The following RABGAP1 variants were observed in gnomAD, a reference collection of about 807,000 sequenced individuals.
The protein encoded by RABGAP1 is rab GTPase-activating protein 1.
A neutral mutation model predicts 137.6 loss-of-function variants in RABGAP1; 23 were observed. That is an observed-to-expected ratio of 0.17 (90% CI 0.12 to 0.24). The LOEUF is 0.24. Ranked by LOEUF, RABGAP1 falls within the 10% of genes least tolerant of loss-of-function variation. RABGAP1 has a pLI of 1.00. For synonymous variants in RABGAP1, 451 were observed against 450.7 expected (o/e 1.00, Z -0.01); for missense variants, 906 against 1,275.8 (o/e 0.71, Z 4.42).
Position 122,984,462 on chromosome 9 carries a change from T to C in RABGAP1, c.151-23T>C, listed in dbSNP as rs146470403. The C allele has an allele frequency of 1.9e-6, 3 of 1,595,300 alleles. No homozygotes were observed. The East Asian group carries it at 6.7e-5, about 36-fold the overall frequency. ...TGGCCAATCTTTGTCACTTTGCTGATTGCATGTATTTGTGACCCTTAGATT... is the reference window on the plus strand; with the variant it reads ...TGGCCAATCTTTGTCACTTTGCTGACTGCATGTATTTGTGACCCTTAGATT... On this transcript the variant is annotated intron_variant, in intron 2 of 25. Transcript: ENST00000373647.
intron 1 of RABGAP1, among the ~76,000 whole-genome samples, chr9:122,946,249 A>G (rs1158653521): frequency 6.6e-6 from 1 of 152,266 alleles, no homozygotes; most frequent in Non-Finnish European, 1.5e-5. Flanking sequence ...ATATTTCTGC[A>G]TTTATCTTAG....
chr9:123,047,102 A>G (rs1360097193), intron 13 of RABGAP1, among the ~76,000 whole-genome samples: 1 of 152,218 alleles, frequency 6.6e-6, no homozygotes, highest in Non-Finnish European at 1.5e-5. Context: ...TTTGGAAAAA[A>G]AGGAAACAAC....
At chr9:123,012,173 A>T (rs1268013954) in intron 11 of RABGAP1, among the ~76,000 whole-genome samples, 2 of 152,214 alleles carry the variant, frequency 1.3e-5, no homozygotes, top group Non-Finnish European at 2.9e-5. Flanking sequence ...TCAGAGATGC[A>T]ATTCAGAGTC....
At position 123,005,076 on chromosome 9, in the gene RABGAP1, A is replaced by AC. The variant is rs1554715993; in HGVS notation, c.1375-5278_1375-5277insC. On this transcript the variant is annotated intron_variant, in intron 10 of 25. Coordinates refer to ENST00000373647, the MANE Select transcript of RABGAP1 (RefSeq NM_012197.4). ...CATCTCAAAAAAAAAAAAAAAAAAA[A>AC]ACTAAAAAAGTCTTGCAGTTAATAA... Among the ~76,000 whole-genome samples, 19 of 135,012 alleles carry AC rather than the reference A, an allele frequency of 1.4e-4. No individual in the cohort carries two copies. In the East Asian group the frequency reaches 3.7e-3, roughly 26 times the overall value. 88.6% of individuals were successfully genotyped at this position (135,012 alleles called of 152,430 possible).
intron 19 of RABGAP1, among the ~76,000 whole-genome samples, chr9:123,080,085 T>TG (rs2034660358): frequency 6.6e-6 from 1 of 152,260 alleles, no homozygotes; most frequent in African/African-American, 2.4e-5. Context: ...TTTTACCTTT[T>TG]GGATTCCCAT....
chr9:123,073,237 A>G (rs2034411984), intron 15 of RABGAP1, among the ~76,000 whole-genome samples: 1 of 152,230 alleles, frequency 6.6e-6, no homozygotes, highest in Non-Finnish European at 1.5e-5. Flanking sequence ...TGACTGCCTT[A>G]GGCAGATACA....
At chr9:123,073,740 A>C in intron 16 of RABGAP1, 63 bp downstream of exon 16, 1 of 1,596,378 alleles carries the variant, frequency 6.3e-7, no homozygotes, top group Non-Finnish European at 8.5e-7. Flanking sequence ...CACCAAATTG[A>C]GGAAATGGTG....
At chr9:122,934,824 G>A in the RABGAP1 span, among the ~76,000 whole-genome samples, 539 of 152,274 alleles carry the variant, frequency 3.5e-3, 3 homozygotes, top group African/African-American at 0.013. Context: ...GGGACCACAG[G>A]CATGCGGTCC....
intron 19 of RABGAP1, among the ~76,000 whole-genome samples, chr9:123,085,891 CTGCATCTTTATTAAGG>C (rs1183314064): frequency 1.3e-5 from 2 of 152,194 alleles, no homozygotes; most frequent in African/African-American, 4.8e-5. Context: ...AATGTCCCTG[CTGCATCTTTATTAAGG>C]TAAAAAGGAA....
At chr9:122,973,461 C>T (rs1361010271) in intron 2 of RABGAP1, among the ~76,000 whole-genome samples, 2 of 151,986 alleles carry the variant, frequency 1.3e-5, no homozygotes, top group African/African-American at 2.4e-5. Flanking sequence ...TGGTCTCGAT[C>T]TGACCTCGTG....
At chr9:122,947,935 A>C (rs1834026504) in intron 1 of RABGAP1, among the ~76,000 whole-genome samples, 1 of 152,070 alleles carries the variant, frequency 6.6e-6, no homozygotes, top group Non-Finnish European at 1.5e-5. Context: ...TAAAGAAGGG[A>C]TGGTGTTCCA....
intron 1 of RABGAP1, among the ~76,000 whole-genome samples, chr9:122,944,492 C>T (rs1833821567): frequency 1.3e-5 from 2 of 151,866 alleles, no homozygotes; most frequent in African/African-American, 4.8e-5. Flanking sequence ...GGCCTCCCAA[C>T]GTGACAACAC....
intron 20 of RABGAP1, 57 bp from the exon 21 acceptor site, chr9:123,090,218 A>C (rs899645530): frequency 3.8e-5 from 53 of 1,379,510 alleles, no homozygotes; most frequent in Non-Finnish European, 5.2e-5. Context: ...GCCCTGAGAA[A>C]TTTTCATTTC....
At chr9:122,995,634 A>G (rs1836983567) in intron 6 of RABGAP1, among the ~76,000 whole-genome samples, 1 of 149,474 alleles carries the variant, frequency 6.7e-6, no homozygotes, top group East Asian at 2.0e-4. Context: ...AGTGGCGCAA[A>G]CTTGGCTCAG....
chr9:123,047,012 A>G lies in RABGAP1; in HGVS notation c.1795-18336A>G, dbSNP rs77215665. On this transcript the variant is annotated intron_variant, in intron 13 of 25. Coordinates refer to ENST00000373647, the MANE Select transcript of RABGAP1 (RefSeq NM_012197.4). ...AATCCAGGTATTAAACCTCCTTTAG[A>G]CTCAGTCATTCCACTAGAATAAGTC... Among the ~76,000 whole-genome samples, 1,490 of 152,342 alleles carry G rather than the reference A, an allele frequency of 9.8e-3. 5 individuals carry two copies. Among genetic ancestry groups the G allele is most frequent in the Non-Finnish European group, 0.015 (988 of 68,024 alleles).
At chr9:123,062,845 G>T (rs34963855) in intron 13 of RABGAP1, 4,108 of 152,182 alleles carry the variant, frequency 0.027, 73 homozygotes, top group Non-Finnish European at 0.044. Flanking sequence ...CTGGAGTGCA[G>T]TGCCACGATG....
intron 13 of RABGAP1, among the ~76,000 whole-genome samples, chr9:123,051,774 ATTTTATTTT>A (rs987853875): frequency 6.7e-6 from 1 of 149,432 alleles, no homozygotes; most frequent in African/African-American, 2.5e-5. Flanking sequence ...ATTTTATTTT[ATTTTATTTT>A]ATTTTATTTT....
chr9:122,978,149 A>G (rs998134504), intron 2 of RABGAP1, among the ~76,000 whole-genome samples: 1 of 152,200 alleles, frequency 6.6e-6, no homozygotes, highest in Non-Finnish European at 1.5e-5. Flanking sequence ...ATTACTCCCA[A>G]AAGTCCCCTC....
At chr9:123,090,478 A>G (rs2035001551) in intron 21 of RABGAP1, 93 bp downstream of exon 21, 1 of 1,033,830 alleles carries the variant, frequency 9.7e-7, no homozygotes, top group South Asian at 1.7e-5. Flanking sequence ...TTGTTATTCT[A>G]GCCACCTGTA....
Sources: gnomAD v4.1 joint callset for allele counts (sites outside exome capture counted in the v4.1 genomes callset) on GRCh38, gnomAD v4.1.1 for gene constraint, MANE v1.5 for transcripts, NCBI Gene and HGNC (gene_info 2026-07-23, HGNC 2026-07-21) for gene names.